The following HARS1 variants were observed in gnomAD, a reference collection of about 807,000 sequenced individuals.
The protein encoded by HARS1 is histidine--tRNA ligase, cytoplasmic.
Under a neutral mutation model 63.6 loss-of-function variants are expected in HARS1, and 45 were observed. That is an observed-to-expected ratio of 0.71 (90% CI 0.56 to 0.91). HARS1 has a LOEUF of 0.91. HARS1 is among the 40% of genes least tolerant of loss of function. The pLI is 0.00. For missense variants in HARS1, 508 were observed against 643.2 expected (o/e 0.79, Z 2.27); for synonymous variants, 205 against 247.1 (o/e 0.83, Z 1.60).
chr5:140,690,570 T>C (rs1194770003), intron 2 of HARS1, among the ~76,000 whole-genome samples: 2 of 152,240 alleles, frequency 1.3e-5, no homozygotes, highest in Non-Finnish European at 2.9e-5. Context: ...GTGCTTTGTA[T>C]AGTGCTAGAG....
chr5:140,690,793 A>G, intron 2 of HARS1, 62 bp downstream of exon 2: 6 of 931,318 alleles, frequency 6.4e-6, no homozygotes, highest in South Asian at 2.6e-5. Context: ...GGAGGCAGAC[A>G]TAAGCGCCCC....
At chr5:140,687,683 G>A (rs1390293699) in intron 2 of HARS1, 1 of 152,032 alleles carries the variant, frequency 6.6e-6, no homozygotes, top group Non-Finnish European at 1.5e-5. Flanking sequence ...GAACACACTG[G>A]CTATTAGTAC....
chr5:140,679,319 T>G lies in HARS1; in HGVS notation c.397-192A>C. The stretch of plus-strand genomic sequence containing the variant: ...GAGGTAGCTGAAGGCTCAAAAAAGA[T>G]TAAGGCACCTTTCCCTTTTGTAGTG... On this transcript the variant is annotated intron_variant, in intron 4 of 12. Transcript: ENST00000504156. This position sits in a 1 kb window ranked among gnomAD's most constrained non-coding sequence, Gnocchi z 4.3. 1 of 556,494 alleles carries G rather than the reference T, an allele frequency of 1.8e-6. No individual in the cohort carries two copies. Among genetic ancestry groups the G allele is most frequent in the South Asian group, 2.2e-5 (1 of 45,320 alleles). The allele number at this position is 556,494 out of a possible 1,614,324, so 34.5% of individuals were successfully genotyped here.
intron 10 of HARS1, chr5:140,675,408 C>CTTTT: frequency 4.5e-6 from 1 of 220,052 alleles, no homozygotes; most frequent in South Asian, 7.2e-5. Context: ...CATGTAGTAC[C>CTTTT]TTTTTTTTTT....
At chr5:140,690,814 T>G in intron 2 of HARS1, 41 bp downstream of exon 2, 1 of 1,101,968 alleles carries the variant, frequency 9.1e-7, no homozygotes. Flanking sequence ...GTGAGTAGAG[T>G]TAGAGACTTT....
chr5:140,677,253 AAC>A, intron 8 of HARS1, 72 bp downstream of exon 8: 1 of 1,397,328 alleles, frequency 7.2e-7, no homozygotes, highest in South Asian at 1.2e-5. Context: ...CTACATACAT[AAC>A]ACAGAACAGT....
chr5:140,680,436 C>T (rs1758652903), intron 3 of HARS1, among the ~76,000 whole-genome samples: 2 of 152,104 alleles, frequency 1.3e-5, no homozygotes, highest in Non-Finnish European at 1.5e-5. Flanking sequence ...CGAGCCACAG[C>T]GCCCGGCCTG....
chr5:140,683,467 A>C (rs1758838514), intron 2 of HARS1: 2 of 1,192,698 alleles, frequency 1.7e-6, no homozygotes, highest in South Asian at 2.3e-5. Context: ...AATTCTTAGA[A>C]CTCTTTTCTT....
chr5:140,676,730 T>C lies in HARS1; in HGVS notation c.1118A>G (p.Lys373Arg), dbSNP rs759835894. ...YDGLVGMFDP[K>R]GRKVPCVGLS... The stretch of plus-strand genomic sequence containing the variant: ...CCCCACACATGGCACCTTGCGCCCT[T>C]TGGGGTCGAACATGCCCACTAGCCC... Residue 373 changes from lysine to arginine, a missense_variant, in exon 10 of 13, where the codon AAA (lysine) becomes AGA (arginine). Lys to Arg is a conservative substitution (Grantham distance 26, BLOSUM62 2). Coordinates refer to ENST00000504156, the MANE Select transcript of HARS1 (RefSeq NM_002109.6). This position sits in a 1 kb window ranked among gnomAD's most constrained non-coding sequence, Gnocchi z 4.1. 1 of 1,614,086 alleles carries C rather than the reference T, an allele frequency of 6.2e-7. No individual in the cohort carries two copies. The highest frequency in any genetic ancestry group is 1.3e-5 in the African/African-American group (1 of 74,926).
intron 2 of HARS1, among the ~76,000 whole-genome samples, chr5:140,687,207 G>A (rs1454250479): frequency 6.6e-6 from 1 of 152,066 alleles, no homozygotes; most frequent in Non-Finnish European, 1.5e-5. Flanking sequence ...TAAAAATAGG[G>A]TCCTCAAGGG....
chr5:140,687,749 C>A (rs538433000), intron 2 of HARS1: 1 of 152,128 alleles, frequency 6.6e-6, no homozygotes, highest in Admixed American at 6.5e-5. Context: ...TACTCACCAG[C>A]GCTTTTGTGC....
At chr5:140,685,939 T>G (rs1758996847) in intron 2 of HARS1, among the ~76,000 whole-genome samples, 1 of 151,192 alleles carries the variant, frequency 6.6e-6, no homozygotes, top group Non-Finnish European at 1.5e-5. Context: ...GTCTTTTTTT[T>G]TTTTTTTTGA....
At chr5:140,687,639 A>C (rs1299812617) in intron 2 of HARS1, 11 of 152,156 alleles carry the variant, frequency 7.2e-5, no homozygotes. Flanking sequence ...TAATTAATTT[A>C]TTTATTTACT....
intron 12 of HARS1, 62 bp downstream of exon 12, chr5:140,674,617 C>G: frequency 6.3e-7 from 1 of 1,575,968 alleles, no homozygotes; most frequent in Non-Finnish European, 8.7e-7. Flanking sequence ...CTTGAATGGG[C>G]ATGGGCCTGC....
intron 2 of HARS1, among the ~76,000 whole-genome samples, chr5:140,688,201 C>G (rs1317613032): frequency 1.3e-5 from 2 of 152,130 alleles, no homozygotes; most frequent in East Asian, 3.8e-4. Flanking sequence ...AGTCTTGTCC[C>G]CACAATACTG....
Position 140,677,705 on chromosome 5 carries a change from A to C in HARS1, c.679T>G (p.Ser227Ala), listed in dbSNP as rs768076848. 5.3e-5 allele frequency: 86 copies of C among 1,612,150 alleles called. No homozygotes were observed. The Admixed American group carries it at 9.5e-4, about 18-fold the overall frequency. The change falls in exon 7 of 13, where the codon TCT (serine) becomes GCT (alanine). Residue 227 changes from serine to alanine, a missense_variant. Coordinates refer to ENST00000504156, the MANE Select transcript of HARS1 (RefSeq NM_002109.6). ...CAGATGGTACGGAACTTGCTGTCAG[A>C]AACACCACAGATAGCAAACATCCCA... ...LDGMFAICGV[S>A]DSKFRTICSS...
intron 1 of HARS1, 57 bp downstream of exon 1, chr5:140,691,158 G>A: frequency 7.5e-7 from 1 of 1,325,052 alleles, no homozygotes; most frequent in South Asian, 1.2e-5. Flanking sequence ...CGAACACCCT[G>A]GCTTTACGTC....
At chr5:140,680,962 T>C (rs2530240) in intron 3 of HARS1, among the ~76,000 whole-genome samples, 65,173 of 151,648 alleles carry the variant, frequency 0.43, 14,235 homozygotes, top group East Asian at 0.46. Flanking sequence ...ATCAGACCAA[T>C]AAACATAAAT....
chr5:140,676,507 G>T lies in HARS1; in HGVS notation c.1194+147C>A. 8.4e-6 allele frequency: 7 copies of T among 833,118 alleles called. No individual in the cohort carries two copies. In the South Asian group the frequency reaches 1.2e-4, roughly 14 times the overall value. The allele number at this position is 833,118 out of a possible 1,614,324, so 51.6% of individuals were successfully genotyped here. ...CATAAAACTTACATATAATGGGGTAGAAATCTGTGAAAAAGAGCAATAATC... is the reference window on the plus strand; with the variant it reads ...CATAAAACTTACATATAATGGGGTATAAATCTGTGAAAAAGAGCAATAATC... On this transcript the variant is annotated intron_variant, in intron 10 of 12. Coordinates refer to ENST00000504156, the MANE Select transcript of HARS1 (RefSeq NM_002109.6). The surrounding 1 kb of genome is among the most constrained non-coding windows in gnomAD (Gnocchi z 4.1).
Sources: allele counts gnomAD v4.1 joint callset (sites outside exome capture counted in the v4.1 genomes callset), GRCh38; gene constraint gnomAD v4.1.1; non-coding constraint Gnocchi (gnomAD v3.1); transcripts MANE v1.5; gene names NCBI Gene and HGNC (gene_info 2026-07-23, HGNC 2026-07-21).